Variants in AJUBA observed in about 807,000 individuals in gnomAD.
AJUBA encodes LIM domain-containing protein ajuba.
A neutral mutation model predicts 53.3 loss-of-function variants in AJUBA; 20 were observed. The observed-to-expected ratio is 0.38, with a 90% CI of 0.26 to 0.55. The LOEUF is 0.55. Ranked by LOEUF, AJUBA falls within the 20% of genes least tolerant of loss-of-function variation. The pLI, the probability that AJUBA is intolerant of heterozygous loss-of-function variation, is 0.80. For missense variants in AJUBA, 580 were observed against 730.5 expected, an observed-to-expected ratio of 0.79 and a Z score of 2.38; for synonymous variants, 296 against 306.2, an observed-to-expected ratio of 0.97 and a Z score of 0.35.
intron 1 of AJUBA, 57 bp downstream of exon 1, chr14:22,981,204 G>A (rs1179074365): frequency 1.3e-6 from 2 of 1,526,220 alleles, no homozygotes; most frequent in African/African-American, 1.4e-5. Flanking sequence ...TCGGGGCAGT[G>A]GAGAACCGAA....
At chr14:22,980,219 A>G (rs1489019636) in intron 1 of AJUBA, among the ~76,000 whole-genome samples, 7 of 152,206 alleles carry the variant, frequency 4.6e-5, no homozygotes, top group Non-Finnish European at 1.5e-5. Flanking sequence ...TAAGCCTGCC[A>G]CTTCTTTCCA....
In AJUBA at chr14:22,973,371, G is replaced by A; in HGVS notation, c.*72C>T. 1 of 1,550,402 alleles carries A rather than the reference G, an allele frequency of 6.4e-7. No individual in the cohort carries two copies. Among genetic ancestry groups the A allele is most frequent in the Non-Finnish European group, 8.7e-7 (1 of 1,145,832 alleles). On this transcript the variant is annotated 3_prime_UTR_variant, in exon 8 of 8. Transcript: ENST00000262713. The stretch of plus-strand genomic sequence containing the variant: ...GCCTGCAGAGTGCATTCTTTGCCTT[G>A]GCTGGCCTCAGAGGGGCCCACTGGC...
intron 1 of AJUBA, chr14:22,978,990 G>C: frequency 7.8e-7 from 1 of 1,289,178 alleles, no homozygotes; most frequent in Non-Finnish European, 1.0e-6. Flanking sequence ...AAAAGGATCT[G>C]GCTTGGCAGA....
Position 22,982,529 on chromosome 14 carries a change from T to G in AJUBA, c.-263A>C. The G allele has an allele frequency of 7.4e-7, 1 of 1,345,294 alleles. No homozygotes were observed. The highest frequency in any genetic ancestry group is 9.5e-7 in the Non-Finnish European group (1 of 1,051,534). The allele number at this position is 1,345,294 out of a possible 1,614,324, so 83.3% of individuals were successfully genotyped here. On this transcript the variant is annotated 5_prime_UTR_variant, in exon 1 of 8. Transcript: ENST00000262713. ...GCTGTCCAGTCCGCAGGTCTATCTG[T>G]TCACGCGTCGACTCGCCCGACTGCC... is the stretch of plus-strand genomic sequence containing the variant.
In AJUBA at chr14:22,973,527, AC is replaced by A; in HGVS notation, c.1532del (p.Cys511PhefsTer50). ...AGAGCAAGTGCCCATCCAGAGGGAA[AC>A]AGCAGCAGCCTTCCTCATCACTCAG... is the stretch of plus-strand genomic sequence containing the variant. The part of the protein sequence containing the change: ...MQLSDEEGCC[C>X]FPLDGHLLCH... On this transcript the variant is annotated frameshift_variant, in exon 8 of 8. Coordinates refer to ENST00000262713, the MANE Select transcript of AJUBA (RefSeq NM_032876.6). LOFTEE classifies it high-confidence loss of function. 2 of 1,614,182 alleles carry A rather than the reference AC, an allele frequency of 1.2e-6. No homozygotes were observed. The highest frequency in any genetic ancestry group is 1.7e-6 in the Non-Finnish European group (2 of 1,180,030).
chr14:22,973,222 T>G lies in AJUBA; in HGVS notation c.*221A>C, dbSNP rs1027744188. 8 of 630,418 alleles carry G rather than the reference T, an allele frequency of 1.3e-5. No individual in the cohort carries two copies. The highest frequency in any genetic ancestry group is 2.1e-5 in the Non-Finnish European group (8 of 376,142). 39.1% of individuals were successfully genotyped at this position (630,418 alleles called of 1,614,324 possible). On this transcript the variant is annotated 3_prime_UTR_variant, in exon 8 of 8. Coordinates refer to ENST00000262713, the MANE Select transcript of AJUBA (RefSeq NM_032876.6). ...TGTGCCTAAGCTCAGACTGCACACA[T>G]GGGAAAAAGGCCAGTCGCCCCCACC...
In AJUBA at chr14:22,981,775, G is replaced by A. The variant is rs1466670858; in HGVS notation, c.492C>T (p.Gly164=). 16 of 1,534,574 alleles carry A rather than the reference G, an allele frequency of 1.0e-5. No homozygotes were observed. The highest frequency in any genetic ancestry group is 2.4e-5 in the South Asian group (2 of 83,938). ...GGCGCTGGTCGTAGCCCATGCTGATGCCGCTGGTGCGATTGCTGCAGGGCC... is the reference window on the plus strand; with the variant it reads ...GGCGCTGGTCGTAGCCCATGCTGATACCGCTGGTGCGATTGCTGCAGGGCC... ...GSRPCSNRTS[G]ISMGYDQRHG... The change falls in exon 1 of 8, where the codon GGC becomes GGT. Residue 164 remains glycine, a synonymous_variant. Transcript: ENST00000262713.
chr14:22,978,455 G>C lies in AJUBA; in HGVS notation c.1007-10C>G. ...CACTTGATACAGGTGCCTGAGAAGA[G>C]AAAAGTGTCACACTCTACTCCCCCA... On this transcript the variant is annotated splice_polypyrimidine_tract_variant and intron_variant, in intron 1 of 7. Transcript: ENST00000262713. The C allele has an allele frequency of 5.0e-6, 8 of 1,608,306 alleles. No homozygotes were observed. The highest frequency in any genetic ancestry group is 6.0e-6 in the Non-Finnish European group (7 of 1,175,264).
chr14:22,974,640 C>A, intron 6 of AJUBA, 199 bp downstream of exon 6: 1 of 593,112 alleles, frequency 1.7e-6, no homozygotes. Flanking sequence ...AGCCTGGGCC[C>A]AGTTAGGCTT....
chr14:22,975,847 CAA>C (rs112005383), intron 4 of AJUBA: 18 of 104,858 alleles, frequency 1.7e-4, no homozygotes, highest in African/African-American at 1.2e-4. Flanking sequence ...GACTCCATCT[CAA>C]AAAAAAAAAA....
chr14:22,979,579 C>T lies in AJUBA; in HGVS notation c.1007-1134G>A, dbSNP rs781626893. Among the ~76,000 whole-genome samples the T allele has an allele frequency of 6.6e-6, 1 of 152,216 alleles. No homozygotes were observed. The highest frequency in any genetic ancestry group is 1.5e-5 in the Non-Finnish European group (1 of 68,038). ...GTAGGGGTTCTGTCAAAGGAGGCAA[C>T]CTGACTCCCAAGGAGAAGGGGCCCC... is the stretch of plus-strand genomic sequence containing the variant. On this transcript the variant is annotated intron_variant, in intron 1 of 7. Transcript: ENST00000262713. The surrounding 1 kb of genome is among the most constrained non-coding windows in gnomAD (Gnocchi z 4.0).
In AJUBA at chr14:22,979,549, G is replaced by A. The variant is rs985774644; in HGVS notation, c.1007-1104C>T. Reference sequence around the variant, plus strand: ...TCAAGCTGGGGCTAGCGGCACAAGGGGTATGTAGGGGTTCTGTCAAAGGAG... The same window carrying A: ...TCAAGCTGGGGCTAGCGGCACAAGGAGTATGTAGGGGTTCTGTCAAAGGAG... On this transcript the variant is annotated intron_variant, in intron 1 of 7. Transcript: ENST00000262713. The surrounding 1 kb of genome is among the most constrained non-coding windows in gnomAD (Gnocchi z 4.0). Among the ~76,000 whole-genome samples, 1 of 152,216 alleles carries A rather than the reference G, an allele frequency of 6.6e-6. No homozygotes were observed. The highest frequency in any genetic ancestry group is 6.5e-5 in the Admixed American group (1 of 15,282).
Position 22,973,452 on chromosome 14 carries a change from G to C in AJUBA, c.1608C>G (p.Asn536Lys), listed in dbSNP as rs1566654523. The change falls in exon 8 of 8, where the codon AAC becomes AAG. Residue 536 changes from asparagine (N) to lysine (K), a missense_variant. Coordinates refer to ENST00000262713, the MANE Select transcript of AJUBA (RefSeq NM_032876.6). Reference protein sequence around the residue: ...QRLNARQPPANYI With the variant: ...QRLNARQPPAKYI ...CAGCAGTGATTGCAGCTCAGATATA[G>C]TTGGCAGGGGGTTGTCGGGCATTGA... 6.2e-7 allele frequency: 1 copy of C among 1,610,704 alleles called. No homozygotes were observed. Among genetic ancestry groups the C allele is most frequent in the East Asian group, 2.2e-5 (1 of 44,788 alleles).
chr14:22,977,836 C>G, intron 2 of AJUBA: 1 of 152,614 alleles, frequency 6.6e-6, no homozygotes. Context: ...GGCAGGCATT[C>G]CTGGAGCGTG....
At chr14:22,975,214 C>A in intron 4 of AJUBA, 110 bp from the exon 5 acceptor site, 1 of 1,422,406 alleles carries the variant, frequency 7.0e-7, no homozygotes, top group Non-Finnish European at 9.5e-7. Flanking sequence ...CTGCTATACT[C>A]CCAGAACAAT....
At chr14:22,974,685 G>A in intron 6 of AJUBA, 154 bp downstream of exon 6, 1 of 826,648 alleles carries the variant, frequency 1.2e-6, no homozygotes, top group Non-Finnish European at 1.9e-6. Flanking sequence ...TAGGGTCAGG[G>A]TGGTGACCCC....
At chr14:22,975,808 ACTGGACTCCAGC>A (rs1566655594) in intron 4 of AJUBA, 2 of 150,904 alleles carry the variant, frequency 1.3e-5, no homozygotes, top group Non-Finnish European at 2.9e-5. Context: ...AGATCGCACC[ACTGGACTCCAGC>A]CTGGGCAACA....
intron 2 of AJUBA, chr14:22,977,154 A>C: frequency 1.0e-6 from 1 of 1,000,292 alleles, no homozygotes; most frequent in Non-Finnish European, 1.2e-6. Flanking sequence ...TTGCCTGAGC[A>C]TATCTATCCT....
intron 1 of AJUBA, chr14:22,978,828 T>A: frequency 8.1e-7 from 1 of 1,240,084 alleles, no homozygotes; most frequent in Non-Finnish European, 1.0e-6. Flanking sequence ...AAGATGCCAG[T>A]CCACAGGTGC....
Sources: gnomAD v4.1 joint callset for allele counts (sites outside exome capture counted in the v4.1 genomes callset) on GRCh38, gnomAD v4.1.1 for gene constraint, Gnocchi (gnomAD v3.1) non-coding constraint, MANE v1.5 for transcripts, NCBI Gene and HGNC (gene_info 2026-07-23, HGNC 2026-07-21) for gene names.